Variants in COG5 observed in about 807,000 individuals in gnomAD.
COG5 encodes the protein conserved oligomeric Golgi complex subunit 5.
COG5 carries 86 observed loss-of-function variants against 110.4 expected under a neutral mutation model. The ratio of observed to expected loss-of-function variants is 0.78; its 90% CI spans 0.65 to 0.93. The LOEUF (loss-of-function observed/expected upper bound fraction) is 0.93, where lower values mean the gene tolerates loss of function less well. Ranked by LOEUF, COG5 falls within the 40% of genes least tolerant of loss-of-function variation. COG5 has a pLI of 0.00. For synonymous variants in COG5, 360 were observed against 334.6 expected, an observed-to-expected ratio of 1.08 and a Z score of -0.83; for missense variants, 1,077 against 987.0, an observed-to-expected ratio of 1.09 and a Z score of -1.22.
intron 12 of COG5, among the ~76,000 whole-genome samples, chr7:107,296,003 G>C (rs933875386): frequency 9.2e-5 from 14 of 151,972 alleles, no homozygotes; most frequent in African/African-American, 3.4e-4. Context: ...GTTTTGGCCA[G>C]ACTGGTCTCG....
intron 16 of COG5, 58 bp from the exon 17 acceptor site, chr7:107,248,557 A>C (rs1316664286): frequency 4.5e-5 from 53 of 1,188,750 alleles, no homozygotes; most frequent in Non-Finnish European, 5.6e-5. Flanking sequence ...AAACAACCCA[A>C]AGAAATTTGA....
At chr7:107,220,668 A>G (rs1799847835) in intron 19 of COG5, among the ~76,000 whole-genome samples, 1 of 152,234 alleles carries the variant, frequency 6.6e-6, no homozygotes, top group Non-Finnish European at 1.5e-5. Flanking sequence ...CATTGTGACG[A>G]GGCTGCTCTC....
intron 9 of COG5, 33 bp from the exon 10 acceptor site, chr7:107,362,143 A>C: frequency 6.6e-7 from 1 of 1,522,938 alleles, no homozygotes; most frequent in Non-Finnish European, 9.1e-7. Context: ...CTTAGGCAAT[A>C]GAAAAAGCAA....
intron 12 of COG5, among the ~76,000 whole-genome samples, chr7:107,285,810 A>G (rs1372124248): frequency 6.6e-6 from 1 of 151,596 alleles, no homozygotes; most frequent in Non-Finnish European, 1.5e-5. Flanking sequence ...GGGTGCAGTG[A>G]GCCAAGATCA....
chr7:107,522,805 G>A (rs1344014570), intron 6 of COG5, among the ~76,000 whole-genome samples: 1 of 152,072 alleles, frequency 6.6e-6, no homozygotes, highest in Admixed American at 6.5e-5. Context: ...CTGTTGAAAA[G>A]ACTATTTTTT....
At chr7:107,390,644 T>C (rs766788825) in intron 7 of COG5, among the ~76,000 whole-genome samples, 35 of 151,160 alleles carry the variant, frequency 2.3e-4, no homozygotes, top group Non-Finnish European at 4.6e-4. Flanking sequence ...CAAACAGCCA[T>C]ATGGAAGGGT....
chr7:107,440,206 G>C (rs1346500468), intron 6 of COG5, among the ~76,000 whole-genome samples: 1 of 152,112 alleles, frequency 6.6e-6, no homozygotes, highest in African/African-American at 2.4e-5. Flanking sequence ...TTTGGTTGTT[G>C]TATCGCTAGT....
intron 10 of COG5, among the ~76,000 whole-genome samples, chr7:107,357,366 A>G (rs1812718704): frequency 6.6e-6 from 1 of 152,178 alleles, no homozygotes; most frequent in African/African-American, 2.4e-5. Context: ...GATCTTTTCT[A>G]TAGATAGGTA....
chr7:107,507,805 C>T (rs1799142015), intron 6 of COG5, among the ~76,000 whole-genome samples: 2 of 152,098 alleles, frequency 1.3e-5, no homozygotes, highest in African/African-American at 2.4e-5. Context: ...ACAATAAGAA[C>T]ATCAGTGGAT....
At chr7:107,271,466 C>A (rs1026933192) in intron 14 of COG5, among the ~76,000 whole-genome samples, 2 of 152,108 alleles carry the variant, frequency 1.3e-5, no homozygotes, top group African/African-American at 4.8e-5. Flanking sequence ...TCTTTCAACA[C>A]AACTTATAGT....
At chr7:107,480,648 C>T (rs749530254) in intron 6 of COG5, among the ~76,000 whole-genome samples, 2 of 151,932 alleles carry the variant, frequency 1.3e-5, no homozygotes, top group Non-Finnish European at 2.9e-5. Context: ...TGACTTTTTT[C>T]TAAAAAGCAT....
At chr7:107,526,909 A>T (rs747581120) in intron 6 of COG5, among the ~76,000 whole-genome samples, 13 of 152,300 alleles carry the variant, frequency 8.5e-5, no homozygotes, top group South Asian at 6.2e-4. Flanking sequence ...CCGTGAAGGG[A>T]TAATGAGGGA....
At chr7:107,261,073 G>C (rs1320937928) in intron 14 of COG5, among the ~76,000 whole-genome samples, 1 of 152,050 alleles carries the variant, frequency 6.6e-6, no homozygotes, top group East Asian at 1.9e-4. Flanking sequence ...CCCACGGTGG[G>C]CCCTGAGGAA....
At chr7:107,495,236 A>C (rs148539265) in intron 6 of COG5, among the ~76,000 whole-genome samples, 1 of 152,202 alleles carries the variant, frequency 6.6e-6, no homozygotes, top group Non-Finnish European at 1.5e-5. Flanking sequence ...CAAAGGAAAA[A>C]GAGGTAAGGG....
chr7:107,519,389 T>C (rs1800167887), intron 6 of COG5, among the ~76,000 whole-genome samples: 1 of 151,026 alleles, frequency 6.6e-6, no homozygotes, highest in Admixed American at 6.6e-5. Flanking sequence ...ATTAACAAAA[T>C]AGAGCATTAG....
intron 21 of COG5, chr7:107,207,754 A>G: frequency 1.0e-6 from 1 of 985,188 alleles, no homozygotes; most frequent in African/African-American, 1.7e-5. Context: ...TGGTCCCATG[A>G]GTAAGTTATT....
intron 21 of COG5, among the ~76,000 whole-genome samples, chr7:107,204,618 G>A (rs1304831579): frequency 1.3e-5 from 2 of 152,112 alleles, no homozygotes; most frequent in African/African-American, 4.8e-5. Context: ...GTTTTCTTTT[G>A]CTCTCAAATA....
At chr7:107,460,009 G>T (rs1384804513) in intron 6 of COG5, among the ~76,000 whole-genome samples, 1 of 151,950 alleles carries the variant, frequency 6.6e-6, no homozygotes, top group Non-Finnish European at 1.5e-5. Context: ...AAATTTAAAA[G>T]AACAGAAATC....
chr7:107,455,044 T>C (rs1795575222), intron 6 of COG5, among the ~76,000 whole-genome samples: 1 of 152,212 alleles, frequency 6.6e-6, no homozygotes, highest in South Asian at 2.1e-4. Context: ...AAGTACTTTA[T>C]TACAGTTTAA....
Sources: allele counts gnomAD v4.1 joint callset (sites outside exome capture counted in the v4.1 genomes callset), GRCh38; gene constraint gnomAD v4.1.1; transcripts MANE v1.5; gene names NCBI Gene and HGNC (gene_info 2026-07-23, HGNC 2026-07-21).